The following RPAP3 variants were observed in gnomAD, a reference collection of about 807,000 sequenced individuals.
RPAP3 encodes the protein RNA polymerase II-associated protein 3.
Under a neutral mutation model 88.8 loss-of-function variants are expected in RPAP3, and 58 were observed. The ratio of observed to expected loss-of-function variants is 0.65; its 90% confidence interval spans 0.53 to 0.81. RPAP3 has a LOEUF of 0.81. Among genes scored for constraint, RPAP3 ranks in the 40% least tolerant of loss-of-function variants. RPAP3 has a pLI of 0.00. For synonymous variants in RPAP3, 255 were observed against 259.9 expected (o/e 0.98, Z 0.18); for missense variants, 751 against 764.3 (o/e 0.98, Z 0.20).
Position 47,694,446 on chromosome 12 carries a change from C to A in RPAP3, c.545+1830G>T, listed in dbSNP as rs565165720. Among the ~76,000 whole-genome samples, 11 of 152,200 alleles carry A rather than the reference C, an allele frequency of 7.2e-5. No individual in the cohort carries two copies. In the South Asian group the frequency reaches 2.1e-3, roughly 29 times the overall value. On this transcript the variant is annotated intron_variant, in intron 5 of 16. Transcript: ENST00000005386. ...AGGAGACTATTAGGAACTCAAGCAG[C>A]AAACTATTTTTTTGAACAAATCATT...
intron 5 of RPAP3, among the ~76,000 whole-genome samples, chr12:47,695,438 A>G (rs953238750): frequency 2.0e-5 from 3 of 152,140 alleles, no homozygotes. Flanking sequence ...ACAAATATAT[A>G]ATTCAAGATA....
chr12:47,702,383 TA>T (rs1427174785), intron 2 of RPAP3, among the ~76,000 whole-genome samples: 432 of 142,834 alleles, frequency 3.0e-3, no homozygotes, highest in Middle Eastern at 3.6e-3. Flanking sequence ...CCGTCTCTAC[TA>T]AAAAAAAAAA....
At chr12:47,686,545 TACACACACACAC>T (rs59485150) in intron 9 of RPAP3, among the ~76,000 whole-genome samples, 3 of 145,352 alleles carry the variant, frequency 2.1e-5, no homozygotes, top group South Asian at 2.2e-4. Context: ...CACATACACA[TACACACACACAC>T]ACACACACAC....
At chr12:47,684,715 TAAG>T (rs1225750872) in intron 9 of RPAP3, among the ~76,000 whole-genome samples, 1 of 152,254 alleles carries the variant, frequency 6.6e-6, no homozygotes, top group Non-Finnish European at 1.5e-5. Context: ...CTCTCACCTG[TAAG>T]AAGGCATTAC....
intron 14 of RPAP3, among the ~76,000 whole-genome samples, chr12:47,668,119 T>TC (rs1938920786): frequency 6.6e-6 from 1 of 152,160 alleles, no homozygotes; most frequent in Admixed American, 6.5e-5. Context: ...TGCTTGAACC[T>TC]GGGAGGCAGA....
intron 12 of RPAP3, among the ~76,000 whole-genome samples, chr12:47,672,943 C>T (rs762330382): frequency 1.3e-5 from 2 of 152,016 alleles, no homozygotes; most frequent in South Asian, 2.1e-4. Context: ...TGGACAGTGA[C>T]GTCTAACAAA....
Position 47,670,199 on chromosome 12 carries a change from C to T in RPAP3, c.1434G>A (p.Lys478=), listed in dbSNP as rs775837173. 2.5e-6 allele frequency: 4 copies of T among 1,613,832 alleles called. No homozygotes were observed. Among genetic ancestry groups the T allele is most frequent in the Non-Finnish European group, 3.4e-6 (4 of 1,179,918 alleles). The change falls in exon 13 of 17, where the codon AAG becomes AAA. Residue 478 remains lysine (K), a synonymous_variant. Coordinates refer to ENST00000005386, the MANE Select transcript of RPAP3 (RefSeq NM_024604.3). The part of the protein sequence containing the change: ...VIAATGTTSK[K]NSSQDDLFPT... Reference sequence around the variant, plus strand: ...GAAAAAGGTCATCTTGGCTTGAATTCTTCTTACTTGTGGTGCCTGTGGCTG... The same window carrying T: ...GAAAAAGGTCATCTTGGCTTGAATTTTTCTTACTTGTGGTGCCTGTGGCTG...
chr12:47,693,268 G>T (rs1175389642), intron 5 of RPAP3, among the ~76,000 whole-genome samples: 1 of 152,112 alleles, frequency 6.6e-6, no homozygotes, highest in Non-Finnish European at 1.5e-5. Flanking sequence ...GAGATGGGGG[G>T]TCGGGGGTAG....
chr12:47,702,921 A>C, intron 1 of RPAP3, 75 bp from the exon 2 acceptor site: 3 of 1,237,502 alleles, frequency 2.4e-6, no homozygotes, highest in Non-Finnish European at 3.3e-6. Flanking sequence ...CTAGCTAATT[A>C]TCTTTTACCA....
Position 47,690,629 on chromosome 12 carries a change from C to T in RPAP3, c.556G>A (p.Ala186Thr). The T allele has an allele frequency of 6.7e-7, 1 of 1,498,218 alleles. No homozygotes were observed. Among genetic ancestry groups the T allele is most frequent in the Non-Finnish European group, 9.0e-7 (1 of 1,113,598 alleles). The allele number at this position is 1,498,218 out of a possible 1,614,324, so 92.8% of individuals were successfully genotyped here. A position where few individuals can be genotyped will look rare whatever the true frequency, so the allele number is the denominator to read the frequency against. Reference protein sequence around the residue: ...AYFRLKKFAVAESDCNLAVAL... With the variant: ...AYFRLKKFAVTESDCNLAVAL... Reference sequence around the variant, plus strand: ...ACTGCTAAATTACAATCAGACTCAGCAACAGCAAATCTGCAATTTAAAAAC... The same window carrying T: ...ACTGCTAAATTACAATCAGACTCAGTAACAGCAAATCTGCAATTTAAAAAC... The change falls in exon 6 of 17, where the codon GCT becomes ACT. Residue 186 changes from alanine (A) to threonine (T), a missense_variant. Ala to Thr is a moderately conservative substitution (Grantham distance 58). Transcript: ENST00000005386.
At chr12:47,701,892 TATC>T (rs1193128437) in intron 2 of RPAP3, among the ~76,000 whole-genome samples, 1 of 152,188 alleles carries the variant, frequency 6.6e-6, no homozygotes, top group Non-Finnish European at 1.5e-5. Flanking sequence ...AAAAACGACC[TATC>T]TTCAGCCTTA....
In RPAP3 at chr12:47,669,153, C is replaced by T. The variant is rs1279768030; in HGVS notation, c.1527-51G>A. The T allele has an allele frequency of 3.7e-6, 5 of 1,337,034 alleles. No individual in the cohort carries two copies. The East Asian group carries it at 9.3e-5, about 25-fold the overall frequency. 82.8% of individuals were successfully genotyped at this position (1,337,034 alleles called of 1,614,324 possible). ...AGAAAAGAACCATAAATAATCATAGCTCAATCAAGGAGACATCAATAAAAA... is the reference window on the plus strand; with the variant it reads ...AGAAAAGAACCATAAATAATCATAGTTCAATCAAGGAGACATCAATAAAAA... On this transcript the variant is annotated intron_variant, in intron 13 of 16. Transcript: ENST00000005386.
chr12:47,705,670 C>T (rs1173788521), intron 1 of RPAP3, among the ~76,000 whole-genome samples: 2 of 152,070 alleles, frequency 1.3e-5, no homozygotes, highest in East Asian at 3.9e-4. Flanking sequence ...TGCGGGAGGG[C>T]GGCTCTGCCT....
chr12:47,699,605 A>G (rs1939615329), intron 3 of RPAP3: 1 of 152,240 alleles, frequency 6.6e-6, no homozygotes. Context: ...ATTTTCTAAA[A>G]CTACATGTAT....
chr12:47,663,691 T>C (rs1038076687), intron 16 of RPAP3, 101 bp from the exon 17 acceptor site: 2 of 665,572 alleles, frequency 3.0e-6, no homozygotes, highest in African/African-American at 1.9e-5. Flanking sequence ...ACATTTTACA[T>C]TTTAAAGCAA....
At chr12:47,705,184 G>C (rs1592491679) in intron 1 of RPAP3, among the ~76,000 whole-genome samples, 1 of 152,240 alleles carries the variant, frequency 6.6e-6, no homozygotes, top group African/African-American at 2.4e-5. Context: ...AGCTTTAGGC[G>C]GAGGGAAGAG....
chr12:47,697,802 T>A (rs1939565131), intron 3 of RPAP3, 83 bp from the exon 4 acceptor site: 1 of 1,245,340 alleles, frequency 8.0e-7, no homozygotes, highest in Admixed American at 2.5e-5. Context: ...AAAAATACAC[T>A]CAAATGAATG....
intron 9 of RPAP3, among the ~76,000 whole-genome samples, chr12:47,685,724 C>T (rs7977613): frequency 0.39 from 59,768 of 152,028 alleles, 12,075 homozygotes; most frequent in Middle Eastern, 0.5. Context: ...GGTGTCCTTA[C>T]TGAAACCTTA....
chr12:47,703,594 G>T (rs1939702646), intron 1 of RPAP3, among the ~76,000 whole-genome samples: 1 of 152,194 alleles, frequency 6.6e-6, no homozygotes, highest in African/African-American at 2.4e-5. Flanking sequence ...TCAGATAGTA[G>T]GGTGGTGGTG....
Sources: allele counts gnomAD v4.1 joint callset (sites outside exome capture counted in the v4.1 genomes callset), GRCh38; gene constraint gnomAD v4.1.1; transcripts MANE v1.5; gene names NCBI Gene and HGNC (gene_info 2026-07-23, HGNC 2026-07-21).